The following RBM5 variants were observed in gnomAD, a reference collection of about 807,000 sequenced individuals.
RBM5 encodes the protein RNA binding motif protein 5.
In RBM5, 15 loss-of-function variants were observed where a neutral mutation model predicts 124.6. That is an observed-to-expected ratio of 0.12 (90% CI 0.08 to 0.19). RBM5 has a LOEUF of 0.19. Ranked by LOEUF, RBM5 falls within the 10% of genes least tolerant of loss-of-function variation. The probability of loss-of-function intolerance (pLI) is 1.00; values close to 1 mark genes in which losing one functional copy is unlikely to be tolerated. For missense variants in RBM5, 580 were observed against 1,026.5 expected (o/e 0.57, Z 5.94); for synonymous variants, 337 against 361.2 (o/e 0.93, Z 0.76).
Position 50,117,495 on chromosome 3 carries a change from G to T in RBM5, c.2322+116G>T. ...GAGCAGCTTTACCTTAGCATGAAGG[G>T]GCAGATTACAGGCATGAGCTCACAC... On this transcript the variant is annotated intron_variant, in intron 24 of 24. Coordinates refer to ENST00000347869, the MANE Select transcript of RBM5 (RefSeq NM_005778.4). The surrounding 1 kb of genome is among the most constrained non-coding windows in gnomAD (Gnocchi z 4.2). 1 of 1,433,976 alleles carries T rather than the reference G, an allele frequency of 7.0e-7. No homozygotes were observed. 88.8% of individuals were successfully genotyped at this position (1,433,976 alleles called of 1,614,324 possible).
rs1270867031 is a variant in RBM5 at position 50,110,412 on chromosome 3, A to G, written c.1312A>G (p.Thr438Ala). ...AGCACAGCCTAGCACTAGCACAAGT[A>G]CACAGGCCCCAGCCGCTTCCCCTAC... The part of the protein sequence containing the change: ...EEAQPSTSTS[T>A]QAPAASPTGV... The change falls in exon 16 of 25, where the codon ACA (threonine) becomes GCA (alanine). Residue 438 changes from threonine (T) to alanine (A), a missense_variant. Physicochemically the swap from Thr to Ala is moderately conservative, Grantham distance 58. This residue lies in a region of RBM5 where 104 missense variants were observed against 128.7 expected (regional missense o/e 0.81). Coordinates refer to ENST00000347869, the MANE Select transcript of RBM5 (RefSeq NM_005778.4). 2.5e-6 allele frequency: 4 copies of G among 1,614,120 alleles called. No individual in the cohort carries two copies. The Admixed American group carries it at 5.0e-5, about 20-fold the overall frequency.
At chr3:50,092,263 A>G (rs1172877368) in intron 3 of RBM5, 55 bp downstream of exon 3, 1 of 1,562,680 alleles carries the variant, frequency 6.4e-7, no homozygotes, top group Non-Finnish European at 8.7e-7. Context: ...TTATAGTAAT[A>G]GAAATAACAG....
At chr3:50,103,416 G>A (rs2090976958) in intron 7 of RBM5, among the ~76,000 whole-genome samples, 1 of 152,154 alleles carries the variant, frequency 6.6e-6, no homozygotes, top group Non-Finnish European at 1.5e-5. Context: ...GGAGGCCAAG[G>A]CGGGTAGATA....
At chr3:50,118,121 T>C (rs2091291832) in intron 24 of RBM5, 4 of 631,124 alleles carry the variant, frequency 6.3e-6, no homozygotes, top group Non-Finnish European at 1.1e-5. Context: ...GGTGGGTGAT[T>C]TGCTTCATCT....
At position 50,099,255 on chromosome 3, in the gene RBM5, CA is replaced by C. The variant is rs57080777; in HGVS notation, c.340-715del. ...TGGGTGTCAGAGCTAGGCCCTGTCT[CA>C]AAAAAAAAAAAGGAAAAATTAATTA... is the stretch of plus-strand genomic sequence containing the variant. On this transcript the variant is annotated intron_variant, in intron 4 of 24. Transcript: ENST00000347869. Among the ~76,000 whole-genome samples, 977 of 138,836 alleles carry C rather than the reference CA, an allele frequency of 7.0e-3. 8 individuals are homozygous for C. Among genetic ancestry groups the C allele is most frequent in the African/African-American group, 0.022 (788 of 36,582 alleles). 91.1% of individuals were successfully genotyped at this position (138,836 alleles called of 152,430 possible).
intron 4 of RBM5, among the ~76,000 whole-genome samples, chr3:50,098,514 C>A (rs1158136756): frequency 6.6e-6 from 1 of 152,050 alleles, no homozygotes; most frequent in Non-Finnish European, 1.5e-5. Context: ...GCGATCTCGG[C>A]TCACTGCAAC....
At chr3:50,090,821 C>CA (rs1386119924) in intron 2 of RBM5, among the ~76,000 whole-genome samples, 1 of 152,188 alleles carries the variant, frequency 6.6e-6, no homozygotes, top group African/African-American at 2.4e-5. Flanking sequence ...GCAACCTTTG[C>CA]AGAATCCAGG....
chr3:50,100,513 A>G lies in RBM5; in HGVS notation c.410-19A>G, dbSNP rs1241530810. 1.9e-6 allele frequency: 3 copies of G among 1,590,640 alleles called. No homozygotes were observed. Among genetic ancestry groups the G allele is most frequent in the Non-Finnish European group, 2.6e-6 (3 of 1,158,888 alleles). ...TGACTAACACAAGTATCCCGTCTAT[A>G]TCTGAATGCTGTCTCTAGGTGTAAG... On this transcript the variant is annotated intron_variant, in intron 5 of 24. Transcript: ENST00000347869. The surrounding 1 kb of genome is among the most constrained non-coding windows in gnomAD (Gnocchi z 5.1).
intron 1 of RBM5, chr3:50,089,772 G>C (rs1478367581): frequency 6.5e-6 from 1 of 152,852 alleles, no homozygotes; most frequent in East Asian, 1.9e-4. Flanking sequence ...CGGGGGGCCG[G>C]GCTGTTCACT....
At chr3:50,096,646 A>G (rs12635987) in intron 4 of RBM5, among the ~76,000 whole-genome samples, 5 of 141,948 alleles carry the variant, frequency 3.5e-5, no homozygotes, top group East Asian at 4.3e-4. Flanking sequence ...CTGGAGTGCA[A>G]TCGCGTGATT....
At chr3:50,104,132 TG>T in intron 7 of RBM5, 115 bp from the exon 8 acceptor site, 2 of 809,356 alleles carry the variant, frequency 2.5e-6, no homozygotes, top group Non-Finnish European at 4.2e-6. Context: ...CTCAGCTACG[TG>T]AGACTTTCTG....
At position 50,097,973 on chromosome 3, in the gene RBM5, G is replaced by A. The variant is rs540994636; in HGVS notation, c.340-2009G>A. Among the ~76,000 whole-genome samples, 5 of 152,106 alleles carry A rather than the reference G, an allele frequency of 3.3e-5. No individual in the cohort carries two copies. In the South Asian group the frequency reaches 6.2e-4, roughly 19 times the overall value. ...ATATTAGCTGGGTGTGGCGACATGC[G>A]CCTGTAGTCCCAGCTACTCTTGAGG... On this transcript the variant is annotated intron_variant, in intron 4 of 24. Transcript: ENST00000347869.
Position 50,117,481 on chromosome 3 carries a change from C to T in RBM5, c.2322+102C>T. 1.3e-6 allele frequency: 2 copies of T among 1,512,596 alleles called. No homozygotes were observed. The highest frequency in any genetic ancestry group is 1.8e-6 in the Non-Finnish European group (2 of 1,115,018). The allele number at this position is 1,512,596 out of a possible 1,614,324, so 93.7% of individuals were successfully genotyped here. On this transcript the variant is annotated intron_variant, in intron 24 of 24. Transcript: ENST00000347869. The surrounding 1 kb of genome is among the most constrained non-coding windows in gnomAD (Gnocchi z 4.2). The stretch of plus-strand genomic sequence containing the variant: ...AGCCTGGGAGCCAGGAGCAGCTTTA[C>T]CTTAGCATGAAGGGGCAGATTACAG...
At chr3:50,116,171 A>G (rs921923031) in intron 22 of RBM5, 191 bp downstream of exon 22, 14 of 581,592 alleles carry the variant, frequency 2.4e-5, no homozygotes, top group Non-Finnish European at 4.3e-5. Context: ...TTGTCCCTTC[A>G]TCATAAGGGT....
intron 15 of RBM5, 139 bp downstream of exon 15, chr3:50,109,827 AAT>A: frequency 3.3e-6 from 2 of 615,324 alleles, no homozygotes; most frequent in Non-Finnish European, 5.6e-6. Flanking sequence ...GTTGTTTTAA[AAT>A]ATTAATTTTA....
At chr3:50,114,146 A>C (rs765938229) in intron 19 of RBM5, 34 bp from the exon 20 acceptor site, 10 of 1,614,040 alleles carry the variant, frequency 6.2e-6, no homozygotes, top group East Asian at 2.2e-5. Flanking sequence ...CTTACCTAAA[A>C]CTTGAGTCTC....
Position 50,118,517 on chromosome 3 carries a change from T to A in RBM5, c.*61T>A. The stretch of plus-strand genomic sequence containing the variant: ...GAAGTGGTCCATCTCCCGAATTCGC[T>A]GTTACCGCCTGTCTCTTTAAGGGCA... On this transcript the variant is annotated 3_prime_UTR_variant, in exon 25 of 25. Coordinates refer to ENST00000347869, the MANE Select transcript of RBM5 (RefSeq NM_005778.4). 6.4e-7 allele frequency: 1 copy of A among 1,564,570 alleles called. No individual in the cohort carries two copies.
intron 1 of RBM5, chr3:50,090,013 G>GT: frequency 5.8e-6 from 1 of 171,042 alleles, no homozygotes. Context: ...ATGTTTTAAC[G>GT]GTCAACTATC....
At chr3:50,089,632 T>G (rs1012705665) in intron 1 of RBM5, among the ~76,000 whole-genome samples, 1 of 152,248 alleles carries the variant, frequency 6.6e-6, no homozygotes, top group African/African-American at 2.4e-5. Context: ...TCTTTTTCAT[T>G]TATTAATTTC....
Sources: allele counts gnomAD v4.1 joint callset (sites outside exome capture counted in the v4.1 genomes callset), GRCh38; gene constraint gnomAD v4.1.1; regional missense constraint gnomAD v4.1.1; non-coding constraint Gnocchi (gnomAD v3.1); transcripts MANE v1.5; gene names NCBI Gene and HGNC (gene_info 2026-07-23, HGNC 2026-07-21).